The following FBXO4 variants were observed in gnomAD, a reference collection of about 807,000 sequenced individuals.
FBXO4 encodes F-box protein 4.
Under a neutral mutation model 43.7 loss-of-function variants are expected in FBXO4, and 36 were observed. That is an observed-to-expected ratio of 0.82 (90% confidence interval 0.63 to 1.09). The LOEUF is 1.09. Ranked by LOEUF, FBXO4 falls within the 50% of genes least tolerant of loss-of-function variation. The probability of loss-of-function intolerance (pLI) is 0.00; values close to 1 mark genes in which losing one functional copy is unlikely to be tolerated. For missense variants in FBXO4, 435 were observed against 474.1 expected (o/e 0.92, Z 0.77); for synonymous variants, 180 against 165.6 (o/e 1.09, Z -0.67).
intron 4 of FBXO4, 22 bp from the exon 5 acceptor site, chr5:41,934,107 TTCTG>T (rs754320022): frequency 6.2e-7 from 1 of 1,613,218 alleles, no homozygotes; most frequent in Admixed American, 1.7e-5. Context: ...TCTTTTTATA[TTCTG>T]TCTTTACAAT....
chr5:42,013,666 G>T, the FBXO4 span, among the ~76,000 whole-genome samples: 1 of 152,108 alleles, frequency 6.6e-6, no homozygotes, highest in Non-Finnish European at 1.5e-5. Flanking sequence ...AACTGCACAC[G>T]CTTAAGCGCT....
At chr5:41,985,968 A>T in the FBXO4 span, among the ~76,000 whole-genome samples, 1 of 152,124 alleles carries the variant, frequency 6.6e-6, no homozygotes, top group Non-Finnish European at 1.5e-5. Flanking sequence ...ATACTCATTG[A>T]TTTCAAATTT....
chr5:42,024,836 A>G, the FBXO4 span, among the ~76,000 whole-genome samples: 2 of 152,054 alleles, frequency 1.3e-5, no homozygotes, highest in Non-Finnish European at 2.9e-5. Flanking sequence ...TTCACTTAAC[A>G]TAATGACCTC....
the FBXO4 span, among the ~76,000 whole-genome samples, chr5:41,952,946 T>C: frequency 6.6e-6 from 1 of 152,076 alleles, no homozygotes; most frequent in Non-Finnish European, 1.5e-5. Context: ...TTCTATCAGT[T>C]TTTTTCTTTT....
At chr5:41,926,587 C>G (rs191641899) in intron 1 of FBXO4, among the ~76,000 whole-genome samples, 1 of 152,044 alleles carries the variant, frequency 6.6e-6, no homozygotes, top group East Asian at 1.9e-4. Flanking sequence ...AAGAAAAAGA[C>G]AAATGTACAC....
At chr5:41,934,573 A>C in intron 5 of FBXO4, 8 of 1,333,438 alleles carry the variant, frequency 6.0e-6, no homozygotes, top group Non-Finnish European at 7.7e-6. Flanking sequence ...AGATTTGGGC[A>C]TCTGTTTTTT....
the FBXO4 span, among the ~76,000 whole-genome samples, chr5:41,960,490 C>T: frequency 6.6e-6 from 1 of 152,044 alleles, no homozygotes; most frequent in Non-Finnish European, 1.5e-5. Flanking sequence ...GTGGGCTTCT[C>T]ATATATGGTC....
At chr5:42,014,182 A>G in the FBXO4 span, among the ~76,000 whole-genome samples, 1 of 152,080 alleles carries the variant, frequency 6.6e-6, no homozygotes, top group Non-Finnish European at 1.5e-5. Context: ...ACTTCTTCGT[A>G]CTCAGGGCTA....
the FBXO4 span, chr5:41,951,436 T>C: frequency 1.3e-5 from 3 of 236,754 alleles, no homozygotes; most frequent in Admixed American, 5.5e-5. Context: ...AAAGCACACA[T>C]GCAACCTGCA....
chr5:41,999,393 T>C, the FBXO4 span, among the ~76,000 whole-genome samples: 2 of 144,138 alleles, frequency 1.4e-5, no homozygotes, highest in Admixed American at 7.1e-5. Context: ...ATGGGTGATA[T>C]ATATATATTT....
the FBXO4 span, among the ~76,000 whole-genome samples, chr5:41,999,190 C>A: frequency 6.6e-6 from 1 of 151,302 alleles, no homozygotes. Context: ...ACAGTTAATA[C>A]CAAGGACTCT....
At chr5:42,014,031 G>C in the FBXO4 span, among the ~76,000 whole-genome samples, 2 of 152,150 alleles carry the variant, frequency 1.3e-5, no homozygotes, top group African/African-American at 4.8e-5. Flanking sequence ...TTGCAAGAAA[G>C]GCGGAAATAT....
At chr5:41,939,108 C>A in intron 5 of FBXO4, among the ~76,000 whole-genome samples, 1 of 152,162 alleles carries the variant, frequency 6.6e-6, no homozygotes, top group East Asian at 1.9e-4. Flanking sequence ...CTGCCTACCA[C>A]AAAATGCAGA....
At chr5:42,008,660 TG>T in the FBXO4 span, among the ~76,000 whole-genome samples, 1 of 152,178 alleles carries the variant, frequency 6.6e-6, no homozygotes, top group Non-Finnish European at 1.5e-5. Flanking sequence ...TGTCCAGAAG[TG>T]CCTTAACATG....
chr5:41,961,175 G>A, the FBXO4 span, among the ~76,000 whole-genome samples: 1 of 152,144 alleles, frequency 6.6e-6, no homozygotes, highest in African/African-American at 2.4e-5. Context: ...TGTCTGCTGA[G>A]GTCAATGTTG....
At chr5:42,037,025 G>C in the FBXO4 span, among the ~76,000 whole-genome samples, 1 of 152,042 alleles carries the variant, frequency 6.6e-6, no homozygotes, top group Non-Finnish European at 1.5e-5. Context: ...ACAGAAAAGG[G>C]AGCGCTCTCC....
At chr5:41,935,714 G>C (rs553459409) in intron 5 of FBXO4, among the ~76,000 whole-genome samples, 12 of 152,352 alleles carry the variant, frequency 7.9e-5, no homozygotes, top group Middle Eastern at 3.4e-3. Context: ...AGGCTGGAAT[G>C]AGAAAACTGA....
chr5:42,016,124 G>A, the FBXO4 span, among the ~76,000 whole-genome samples: 23 of 152,132 alleles, frequency 1.5e-4, no homozygotes, highest in African/African-American at 5.1e-4. Flanking sequence ...ATAGAGTAGC[G>A]AGCTAGAAAA....
chr5:42,008,017 G>A, the FBXO4 span, among the ~76,000 whole-genome samples: 1 of 151,990 alleles, frequency 6.6e-6, no homozygotes, highest in Non-Finnish European at 1.5e-5. Context: ...AATTAATAAT[G>A]GACTCAGGAA....
Sources: gnomAD v4.1 joint callset for allele counts (sites outside exome capture counted in the v4.1 genomes callset) on GRCh38, gnomAD v4.1.1 for gene constraint, MANE v1.5 for transcripts, NCBI Gene and HGNC (gene_info 2026-07-23, HGNC 2026-07-21) for gene names.